The following POLG2 variants were observed in gnomAD, a reference collection of about 807,000 sequenced individuals.
POLG2 encodes DNA polymerase gamma 2, accessory subunit.
POLG2 carries 50 observed loss-of-function variants against 56.5 expected under a neutral mutation model. The observed-to-expected ratio is 0.88, with a 90% CI of 0.71 to 1.12. The LOEUF is 1.12. POLG2 is among the 50% of genes most tolerant of loss of function. The probability of loss-of-function intolerance (pLI) is 0.00; values close to 1 mark genes in which losing one functional copy is unlikely to be tolerated. For missense variants in POLG2, 584 were observed against 583.3 expected (o/e 1.00, Z -0.01); for synonymous variants, 226 against 222.6 (o/e 1.02, Z -0.14).
Position 64,490,205 on chromosome 17 carries a change from G to A in POLG2, c.969+591C>T, listed in dbSNP as rs547165100. ...CACAAAGTGCTGGGATTACAGGCGT[G>A]AGCCACTGCGCCTGGCCGTTAATTA... is the stretch of plus-strand genomic sequence containing the variant. On this transcript the variant is annotated intron_variant, in intron 4 of 7. Transcript: ENST00000539111. Among the ~76,000 whole-genome samples, 5 of 152,294 alleles carry A rather than the reference G, an allele frequency of 3.3e-5. No homozygotes were observed. The South Asian group carries it at 8.3e-4, about 25-fold the overall frequency.
intron 1 of POLG2, among the ~76,000 whole-genome samples, chr17:64,495,070 C>T (rs1298515623): frequency 6.7e-6 from 1 of 150,066 alleles, no homozygotes; most frequent in Non-Finnish European, 1.5e-5. Flanking sequence ...CCCAGCTACT[C>T]GGGAGGCTGA....
At chr17:64,479,692 A>C (rs1249097889) in intron 7 of POLG2, among the ~76,000 whole-genome samples, 1 of 152,220 alleles carries the variant, frequency 6.6e-6, no homozygotes, top group Non-Finnish European at 1.5e-5. Flanking sequence ...TAATCCAGGC[A>C]AGAGATATTG....
At chr17:64,486,147 C>T (rs147008362) in intron 4 of POLG2, among the ~76,000 whole-genome samples, 4 of 152,282 alleles carry the variant, frequency 2.6e-5, no homozygotes, top group Non-Finnish European at 4.4e-5. Flanking sequence ...CCCACGAAGA[C>T]GATAAAGATG....
rs567767049 is a variant in POLG2, at chr17:64,483,807, C to T, written c.1111-808G>A. Among the ~76,000 whole-genome samples the T allele has an allele frequency of 1.1e-4, 16 of 151,880 alleles. No individual in the cohort carries two copies. The South Asian group carries it at 3.3e-3, about 32-fold the overall frequency. ...CCTCACTGCAACCCCCACCTCTGGG[C>T]TCAAGCCATCCTCCCACTTCAGCCT... On this transcript the variant is annotated intron_variant, in intron 5 of 7. Transcript: ENST00000539111.
At chr17:64,486,311 C>T (rs1215404412) in intron 4 of POLG2, among the ~76,000 whole-genome samples, 2 of 151,642 alleles carry the variant, frequency 1.3e-5, no homozygotes, top group East Asian at 3.9e-4. Flanking sequence ...GCCCTACAGA[C>T]TATTTCTTTA....
chr17:64,488,446 T>C (rs1161726111), intron 4 of POLG2, among the ~76,000 whole-genome samples: 1 of 151,980 alleles, frequency 6.6e-6, no homozygotes, highest in African/African-American at 2.4e-5. Flanking sequence ...TTCACACCTG[T>C]AATCTTAGCA....
intron 3 of POLG2, 61 bp downstream of exon 3, chr17:64,492,606 C>A (rs1031022980): frequency 1.4e-5 from 13 of 908,110 alleles, no homozygotes; most frequent in Non-Finnish European, 2.3e-5. Flanking sequence ...GAAGAATTAC[C>A]ACTGACACAT....
intron 5 of POLG2, chr17:64,485,182 T>G (rs1484806450): frequency 6.5e-6 from 1 of 155,032 alleles, no homozygotes; most frequent in African/African-American, 2.4e-5. Context: ...CTTGCCCCAT[T>G]AATCATTTCT....
At chr17:64,479,869 G>A (rs1202931138) in intron 7 of POLG2, among the ~76,000 whole-genome samples, 2 of 152,192 alleles carry the variant, frequency 1.3e-5, no homozygotes, top group Admixed American at 6.6e-5. Flanking sequence ...GAACAGAGGT[G>A]CCAATCCCTT....
At chr17:64,481,422 G>T (rs1202832556) in intron 6 of POLG2, 7 of 985,216 alleles carry the variant, frequency 7.1e-6, no homozygotes, top group Non-Finnish European at 8.4e-6. Context: ...CACCCAGACA[G>T]AAATGACGAC....
intron 4 of POLG2, among the ~76,000 whole-genome samples, chr17:64,489,933 T>C (rs574073672): frequency 9.3e-5 from 14 of 150,414 alleles, no homozygotes; most frequent in African/African-American, 3.1e-4. Context: ...ATTTTTTTGT[T>C]TTTTTTTTTT....
chr17:64,486,527 A>C (rs1346474993), intron 4 of POLG2, among the ~76,000 whole-genome samples: 1 of 151,952 alleles, frequency 6.6e-6, no homozygotes, highest in Non-Finnish European at 1.5e-5. Flanking sequence ...ATGTCTGGCT[A>C]ATTTTTTTCT....
In POLG2 at chr17:64,496,704, C is replaced by T; in HGVS notation, c.265G>A (p.Asp89Asn). 1 of 1,614,090 alleles carries T rather than the reference C, an allele frequency of 6.2e-7. No homozygotes were observed. The change falls in exon 1 of 8, where the codon GAT becomes AAT. Residue 89 changes from aspartate (D) to asparagine (N), a missense_variant. Physicochemically the swap from Asp to Asn is conservative, Grantham distance 23. Coordinates refer to ENST00000539111, the MANE Select transcript of POLG2 (RefSeq NM_007215.4). ...LSGSKQQLSR[D>N]SLLSGCHPGF... ...GGGTGGCACCCACTCAGAAGAGAAT[C>T]CCGGCTAAGCTGCTGCTTGCTTCCA...
At chr17:64,495,086 G>A (rs754733466) in intron 1 of POLG2, among the ~76,000 whole-genome samples, 26 of 151,426 alleles carry the variant, frequency 1.7e-4, no homozygotes, top group Non-Finnish European at 3.2e-4. Context: ...GCTGAGGCAG[G>A]AGAATGGCGT....
chr17:64,491,606 C>T (rs893100160), intron 3 of POLG2: 2 of 1,539,318 alleles, frequency 1.3e-6, no homozygotes, highest in South Asian at 2.2e-5. Context: ...TGATGTGGGA[C>T]TTCAGCCCTA....
intron 5 of POLG2, chr17:64,485,011 G>A (rs2037927051): frequency 6.6e-6 from 1 of 152,322 alleles, no homozygotes; most frequent in Non-Finnish European, 1.5e-5. Context: ...AGAAAATAGA[G>A]GGCATCAGTA....
rs989440528 is a variant in POLG2, at chr17:64,492,651, G to A, written c.795+16C>T. On this transcript the variant is annotated intron_variant, in intron 3 of 7. Transcript: ENST00000539111. ...TTATGTATTAACTATTAAATTAAAG[G>A]TAATTATTGCAGTACCTTTCTCCAC... is the stretch of plus-strand genomic sequence containing the variant. 1.4e-6 allele frequency: 2 copies of A among 1,448,814 alleles called. No individual in the cohort carries two copies. Among genetic ancestry groups the A allele is most frequent in the East Asian group, 4.5e-5 (2 of 44,124 alleles). 89.7% of individuals were successfully genotyped at this position (1,448,814 alleles called of 1,614,324 possible).
chr17:64,480,403 G>A lies in POLG2; in HGVS notation c.1192-14C>T. ...CCCTTGACAAACCTAGAAAGAAATAGAAAAACTTCAAATATGAAAGAAATA... is the reference window on the plus strand; with the variant it reads ...CCCTTGACAAACCTAGAAAGAAATAAAAAAACTTCAAATATGAAAGAAATA... On this transcript the variant is annotated splice_polypyrimidine_tract_variant and intron_variant, in intron 6 of 7. Coordinates refer to ENST00000539111, the MANE Select transcript of POLG2 (RefSeq NM_007215.4). 1 of 1,276,090 alleles carries A rather than the reference G, an allele frequency of 7.8e-7. No individual in the cohort carries two copies. Among genetic ancestry groups the A allele is most frequent in the Non-Finnish European group, 1.1e-6 (1 of 876,178 alleles). 79.0% of individuals were successfully genotyped at this position (1,276,090 alleles called of 1,614,324 possible).
intron 5 of POLG2, chr17:64,484,289 G>A (rs1298620611): frequency 2.0e-5 from 3 of 152,274 alleles, no homozygotes; most frequent in Non-Finnish European, 4.4e-5. Context: ...ACACTCGAAA[G>A]AAGGTGGGGG....
Sources: gnomAD v4.1 joint callset for allele counts (sites outside exome capture counted in the v4.1 genomes callset) on GRCh38, gnomAD v4.1.1 for gene constraint, MANE v1.5 for transcripts, NCBI Gene and HGNC (gene_info 2026-07-23, HGNC 2026-07-21) for gene names.